The following RYK variants were observed in gnomAD, a reference collection of about 807,000 sequenced individuals.
RYK encodes receptor like tyrosine kinase.
Under a neutral mutation model 70.2 loss-of-function variants are expected in RYK, and 21 were observed. The observed-to-expected ratio is 0.30, with a 90% confidence interval of 0.21 to 0.43. The LOEUF (loss-of-function observed/expected upper bound fraction) is 0.43. RYK is among the 20% of genes least tolerant of loss of function. The pLI is 1.00. For synonymous variants in RYK, 267 were observed against 278.0 expected (o/e 0.96, Z 0.39); for missense variants, 604 against 753.3 (o/e 0.80, Z 2.32).
intron 2 of RYK, among the ~76,000 whole-genome samples, chr3:134,212,202 G>GGGAA (rs2014421164): frequency 6.6e-6 from 1 of 152,180 alleles, no homozygotes; most frequent in African/African-American, 2.4e-5. Context: ...GAATCCAGAA[G>GGGAA]GGAAGACAGG....
intron 1 of RYK, among the ~76,000 whole-genome samples, chr3:134,225,604 A>G (rs988659005): frequency 6.6e-6 from 1 of 152,194 alleles, no homozygotes; most frequent in African/African-American, 2.4e-5. Context: ...CTGTAATCCC[A>G]GCTCTTTGGG....
chr3:134,187,281 C>T (rs548156387), intron 9 of RYK, among the ~76,000 whole-genome samples: 2 of 151,952 alleles, frequency 1.3e-5, no homozygotes, highest in Non-Finnish European at 2.9e-5. Flanking sequence ...AAACATAAAC[C>T]CTTCATACTT....
At chr3:134,166,095 C>A (rs1348356430) in intron 13 of RYK, among the ~76,000 whole-genome samples, 2 of 152,192 alleles carry the variant, frequency 1.3e-5, no homozygotes, top group Non-Finnish European at 2.9e-5. Context: ...ATGTGGTGGA[C>A]TGAATGTGTG....
intron 13 of RYK, among the ~76,000 whole-genome samples, chr3:134,167,708 G>C (rs565983089): frequency 6.6e-6 from 1 of 152,278 alleles, no homozygotes; most frequent in African/African-American, 2.4e-5. Flanking sequence ...CAGGACATAG[G>C]CATGAGCAAG....
At chr3:134,211,699 G>A (rs2014403193) in intron 2 of RYK, 92 bp from the exon 3 acceptor site, 1 of 777,736 alleles carries the variant, frequency 1.3e-6, no homozygotes, top group African/African-American at 1.7e-5. Context: ...TTAATCAATG[G>A]ATGAGCCTTT....
At chr3:134,247,485 C>T (rs2015495512) in intron 1 of RYK, among the ~76,000 whole-genome samples, 1 of 152,122 alleles carries the variant, frequency 6.6e-6, no homozygotes, top group African/African-American at 2.4e-5. Context: ...GGGTGATCAC[C>T]TGAGGTTGGG....
chr3:134,188,340 T>C (rs557908162), intron 9 of RYK, among the ~76,000 whole-genome samples: 3 of 151,932 alleles, frequency 2.0e-5, no homozygotes, highest in African/African-American at 7.2e-5. Flanking sequence ...TTTGTATTTT[T>C]AGCAGAGACA....
chr3:134,204,311 T>C (rs967480699), intron 5 of RYK, among the ~76,000 whole-genome samples: 16 of 151,574 alleles, frequency 1.1e-4, no homozygotes, highest in African/African-American at 3.9e-4. Flanking sequence ...CTGACCAACA[T>C]AGTGAAACCC....
At chr3:134,214,773 C>CA (rs1454076903) in intron 2 of RYK, among the ~76,000 whole-genome samples, 1 of 152,200 alleles carries the variant, frequency 6.6e-6, no homozygotes, top group Non-Finnish European at 1.5e-5. Context: ...TCCTCACACT[C>CA]AATGTTTTTG....
rs1284957737 is a variant in RYK, at chr3:134,221,206, T to C, written c.354+1212A>G. On this transcript the variant is annotated intron_variant, in intron 2 of 14. Transcript: ENST00000623711. ...TTAACAGTTCTTTTTCTTTTTTTTT[T>C]TTTTTTTTTTTTTTTTGAGACAGAG... Among the ~76,000 whole-genome samples the C allele has an allele frequency of 5.5e-5, 7 of 126,808 alleles. No individual in the cohort carries two copies. The East Asian group carries it at 8.5e-4, about 15-fold the overall frequency. The allele number at this position is 126,808 out of a possible 152,430, so 83.2% of individuals were successfully genotyped here.
intron 5 of RYK, among the ~76,000 whole-genome samples, chr3:134,206,629 A>C (rs375766403): frequency 6.6e-6 from 1 of 152,314 alleles, no homozygotes. Flanking sequence ...AATAGGTATT[A>C]GGTGATTGTG....
At chr3:134,202,656 C>T (rs754735945) in intron 6 of RYK, 74 bp downstream of exon 6, 3 of 1,326,636 alleles carry the variant, frequency 2.3e-6, no homozygotes, top group South Asian at 1.3e-5. Flanking sequence ...CACTGTGCAT[C>T]GATGTGTATG....
intron 6 of RYK, among the ~76,000 whole-genome samples, chr3:134,198,941 C>T (rs2013899685): frequency 6.6e-6 from 1 of 152,124 alleles, no homozygotes; most frequent in Non-Finnish European, 1.5e-5. Context: ...AATTAAGATG[C>T]TGCCAGATGA....
In RYK at chr3:134,227,436, CCAA is replaced by C. The variant is rs563908201; in HGVS notation, c.233-4900_233-4898del. On this transcript the variant is annotated intron_variant, in intron 1 of 14. Transcript: ENST00000623711. ...ATAAATTAATCGTGAAATTTACATG[CCAA>C]CAACGATCTTGAAAATGAAAATGCC... 7.4e-3 allele frequency among the ~76,000 whole-genome samples: 1,129 copies of C among 151,738 alleles called. 19 individuals carry two copies. Among genetic ancestry groups the C allele is most frequent in the African/African-American group, 0.025 (1,035 of 41,348 alleles).
At chr3:134,224,785 C>G (rs550423584) in intron 1 of RYK, among the ~76,000 whole-genome samples, 3 of 152,248 alleles carry the variant, frequency 2.0e-5, no homozygotes, top group Admixed American at 6.5e-5. Context: ...CTCTTGTCTT[C>G]TGGTCACTTC....
rs141383901 is a variant in RYK, at chr3:134,202,002, T to C, written c.788+728A>G. Among the ~76,000 whole-genome samples, 15 of 152,368 alleles carry C rather than the reference T, an allele frequency of 9.8e-5. No individual in the cohort carries two copies. The East Asian group carries it at 2.9e-3, about 29-fold the overall frequency. ...TCACTGAGGCTGGACAAGCACCTTT[T>C]GTATTCACACACTTTACTATACATA... On this transcript the variant is annotated intron_variant, in intron 6 of 14. Transcript: ENST00000623711.
intron 7 of RYK, among the ~76,000 whole-genome samples, chr3:134,193,035 ATTGACTT>A (rs1336384730): frequency 6.6e-6 from 1 of 152,086 alleles, no homozygotes; most frequent in Admixed American, 6.5e-5. Flanking sequence ...ATGTATTTCT[ATTGACTT>A]TTTTAAAAAG....
intron 13 of RYK, among the ~76,000 whole-genome samples, chr3:134,164,991 A>ATT (rs1309406120): frequency 6.6e-6 from 1 of 152,218 alleles, no homozygotes; most frequent in African/African-American, 2.4e-5. Flanking sequence ...AATGTTGATA[A>ATT]TATTTTTCAA....
intron 1 of RYK, among the ~76,000 whole-genome samples, chr3:134,222,876 A>G (rs182736188): frequency 9.2e-5 from 14 of 152,278 alleles, no homozygotes; most frequent in African/African-American, 3.1e-4. Flanking sequence ...AACAGCTACA[A>G]AGAAATGCCC....
Sources: gnomAD v4.1 joint callset for allele counts (sites outside exome capture counted in the v4.1 genomes callset) on GRCh38, gnomAD v4.1.1 for gene constraint, MANE v1.5 for transcripts, NCBI Gene and HGNC (gene_info 2026-07-23, HGNC 2026-07-21) for gene names.